PCBP3: variants seen among roughly 807,000 people sequenced by gnomAD.
The protein encoded by PCBP3 is poly(rC) binding protein 3.
Under a neutral mutation model 52.7 loss-of-function variants are expected in PCBP3, and 25 were observed. The observed-to-expected ratio is 0.47, with a 90% CI of 0.35 to 0.66. The LOEUF is 0.66. PCBP3 is among the 30% of genes least tolerant of loss of function. The pLI is 0.01. For synonymous variants in PCBP3, 162 were observed against 183.0 expected, an observed-to-expected ratio of 0.89 and a Z score of 0.93; for missense variants, 391 against 490.3, an observed-to-expected ratio of 0.80 and a Z score of 1.91.
chr21:45,784,663 G>A (rs1206328574), intron 4 of PCBP3, among the ~76,000 whole-genome samples: 26 of 152,262 alleles, frequency 1.7e-4, no homozygotes, highest in Admixed American at 8.5e-4. Flanking sequence ...GGGTTTCGCT[G>A]TGTTGGCCAG....
chr21:45,696,575 G>T (rs4818795), intron 2 of PCBP3, among the ~76,000 whole-genome samples: 25,251 of 152,098 alleles, frequency 0.17, 2,190 homozygotes, highest in Middle Eastern at 0.31. Context: ...GGTGGATCAT[G>T]AGGTCAAGAG....
At chr21:45,732,469 G>T (rs1245072375) in intron 2 of PCBP3, among the ~76,000 whole-genome samples, 1 of 149,412 alleles carries the variant, frequency 6.7e-6, no homozygotes, top group African/African-American at 2.5e-5. Flanking sequence ...AGCTGCTCTT[G>T]CCATAATGTT....
chr21:45,879,665 C>T (rs2095353675), intron 5 of PCBP3, among the ~76,000 whole-genome samples: 1 of 151,784 alleles, frequency 6.6e-6, no homozygotes. Context: ...CCAGAGATAA[C>T]TGGAAATTTT....
chr21:45,713,542 C>A (rs1232581738), intron 2 of PCBP3, among the ~76,000 whole-genome samples: 1 of 152,206 alleles, frequency 6.6e-6, no homozygotes, highest in Non-Finnish European at 1.5e-5. Flanking sequence ...CTCATGAAGG[C>A]AGAGTGAGAT....
chr21:45,666,022 A>T (rs1005671358), intron 1 of PCBP3, among the ~76,000 whole-genome samples: 1 of 152,348 alleles, frequency 6.6e-6, no homozygotes, highest in Admixed American at 6.5e-5. Flanking sequence ...AACAAAAGCC[A>T]TATGATTATC....
intron 5 of PCBP3, among the ~76,000 whole-genome samples, chr21:45,879,253 G>A (rs1304831316): frequency 1.3e-5 from 2 of 152,096 alleles, no homozygotes; most frequent in East Asian, 1.9e-4. Context: ...CCAAAGTACC[G>A]GGTTTACAAG....
chr21:45,655,052 T>C lies in PCBP3; in HGVS notation c.-279+11184T>C, dbSNP rs115495065. Among the ~76,000 whole-genome samples the C allele has an allele frequency of 3.8e-3, 574 of 152,308 alleles. 3 individuals carry two copies. Among genetic ancestry groups the C allele is most frequent in the African/African-American group, 0.013 (542 of 41,550 alleles). On this transcript the variant is annotated intron_variant, in intron 1 of 17. Coordinates refer to ENST00000681687, the MANE Select transcript of PCBP3 (RefSeq NM_001384156.1). ...TGTTGTAGTATGTATCAGTATTTCA[T>C]TCCTTTTTGTGGCTAATATTCAGTT...
At chr21:45,849,121 T>G (rs1382895131) in intron 4 of PCBP3, among the ~76,000 whole-genome samples, 1 of 152,212 alleles carries the variant, frequency 6.6e-6, no homozygotes, top group Non-Finnish European at 1.5e-5. Context: ...CTTGCTATGC[T>G]TTTATTTCTG....
rs1307228201 is a variant in PCBP3 at position 45,704,718 on chromosome 21, T to A, written c.-199-30674T>A. ...ATGCCTTGTCCATAGCTTCCTGACC[T>A]CTGGAAGAACAGAAGTTGCTGCTGG... On this transcript the variant is annotated intron_variant, in intron 2 of 17. Coordinates refer to ENST00000681687, the MANE Select transcript of PCBP3 (RefSeq NM_001384156.1). The surrounding 1 kb of genome is among the most constrained non-coding windows in gnomAD (Gnocchi z 4.1). 6.6e-6 allele frequency among the ~76,000 whole-genome samples: 1 copy of A among 152,174 alleles called. No individual in the cohort carries two copies.
intron 4 of PCBP3, among the ~76,000 whole-genome samples, chr21:45,804,276 A>G (rs896065225): frequency 1.3e-5 from 2 of 152,194 alleles, no homozygotes; most frequent in Non-Finnish European, 2.9e-5. Context: ...TTTTAGAATT[A>G]GTGGTACAAT....
At chr21:45,815,717 ATGAGTGG>A (rs1463106896) in intron 4 of PCBP3, among the ~76,000 whole-genome samples, 5 of 39,958 alleles carry the variant, frequency 1.3e-4, no homozygotes, top group South Asian at 1.4e-3. Context: ...GTAGTGAGTG[ATGAGTGG>A]TGAGTGGTGA....
At position 45,853,534 on chromosome 21, in the gene PCBP3, G is replaced by A. The variant is rs2094136337; in HGVS notation, c.10+3439G>A. 6.6e-6 allele frequency among the ~76,000 whole-genome samples: 1 copy of A among 152,234 alleles called. No homozygotes were observed. On this transcript the variant is annotated intron_variant, in intron 5 of 17. Transcript: ENST00000681687. This position sits in a 1 kb window ranked among gnomAD's most constrained non-coding sequence, Gnocchi z 4.6. ...ACGGGCCCCAGCGACAGAATTTTCT[G>A]GGGTTTCAATACCCTCTGCAGGTTT...
intron 5 of PCBP3, among the ~76,000 whole-genome samples, chr21:45,864,640 A>T (rs574661406): frequency 1.3e-5 from 2 of 152,254 alleles, no homozygotes; most frequent in African/African-American, 4.8e-5. Context: ...TGCCATGTTT[A>T]GTCACATTTC....
intron 4 of PCBP3, among the ~76,000 whole-genome samples, chr21:45,804,978 G>A (rs913052860): frequency 3.3e-5 from 5 of 152,150 alleles, no homozygotes; most frequent in East Asian, 1.9e-4. Context: ...TGGGCCTCAC[G>A]GGAGGGTGTC....
chr21:45,849,792 G>C (rs1470701600), intron 4 of PCBP3, among the ~76,000 whole-genome samples, 169 bp from the exon 5 acceptor site: 2 of 152,146 alleles, frequency 1.3e-5, no homozygotes, highest in Non-Finnish European at 2.9e-5. Flanking sequence ...CCCCAGGGGG[G>C]AGCGCTTGCT....
chr21:45,850,590 G>C (rs147337913), intron 5 of PCBP3, among the ~76,000 whole-genome samples: 1 of 152,196 alleles, frequency 6.6e-6, no homozygotes, highest in African/African-American at 2.4e-5. Flanking sequence ...TGCAAGGAAC[G>C]TTGGATGAAT....
chr21:45,891,489 A>G (rs542371364), intron 5 of PCBP3, among the ~76,000 whole-genome samples: 25 of 152,196 alleles, frequency 1.6e-4, no homozygotes, highest in Non-Finnish European at 2.5e-4. Context: ...ACAAAAGAAT[A>G]CTTACGACAT....
rs188154903 is a variant in PCBP3 at position 45,926,587 on chromosome 21, C to T, written c.718-3330C>T. Among the ~76,000 whole-genome samples the T allele has an allele frequency of 4.6e-5, 7 of 152,170 alleles. No individual in the cohort carries two copies. The East Asian group carries it at 1.2e-3, about 25-fold the overall frequency. ...AGGATCCCTCACACAGGAAGGAAGC[C>T]GTCTATGAGACTTGGACAGGACAGA... On this transcript the variant is annotated intron_variant, in intron 13 of 17. Transcript: ENST00000681687.
chr21:45,746,689 C>T (rs1327534247), intron 3 of PCBP3, among the ~76,000 whole-genome samples: 3 of 80,148 alleles, frequency 3.7e-5, no homozygotes, highest in Non-Finnish European at 5.3e-5. Flanking sequence ...TCAGCATCGC[C>T]GTGTCAGTCC....
Sources: gnomAD v4.1 joint callset for allele counts (sites outside exome capture counted in the v4.1 genomes callset) on GRCh38, gnomAD v4.1.1 for gene constraint, Gnocchi (gnomAD v3.1) non-coding constraint, MANE v1.5 for transcripts, NCBI Gene and HGNC (gene_info 2026-07-23, HGNC 2026-07-21) for gene names.